Variants in UQCC1 observed in about 807,000 individuals in gnomAD.
The protein encoded by UQCC1 is bFGF-repressed Zic-binding protein.
UQCC1 carries 38 observed loss-of-function variants against 48.0 expected under a neutral mutation model. That is an observed-to-expected ratio of 0.79 (90% CI 0.61 to 1.04). UQCC1 has a LOEUF of 1.04. UQCC1 is among the 50% of genes least tolerant of loss of function. The pLI is 0.00. For missense variants in UQCC1, 368 were observed against 381.8 expected, an observed-to-expected ratio of 0.96 and a Z score of 0.30; for synonymous variants, 111 against 129.2, an observed-to-expected ratio of 0.86 and a Z score of 0.95.
At chr20:35,311,868 T>C (rs183040506) in intron 8 of UQCC1, among the ~76,000 whole-genome samples, 127 of 152,306 alleles carry the variant, frequency 8.3e-4, no homozygotes, top group African/African-American at 3.0e-3. Flanking sequence ...AAAAGTCACC[T>C]TCGGGTGACT....
chr20:35,339,627 T>C (rs2061356333), intron 7 of UQCC1, among the ~76,000 whole-genome samples: 1 of 152,194 alleles, frequency 6.6e-6, no homozygotes, highest in African/African-American at 2.4e-5. Context: ...ACTAGAAGAA[T>C]GGGCTGGAGC....
intron 1 of UQCC1, among the ~76,000 whole-genome samples, chr20:35,406,514 A>G (rs56193463): frequency 0.022 from 3,296 of 152,344 alleles, 124 homozygotes; most frequent in African/African-American, 0.074. Context: ...ACTATTATTC[A>G]AAAGTGAAGG....
chr20:35,388,533 C>A (rs1385918694), intron 2 of UQCC1, among the ~76,000 whole-genome samples: 1 of 152,052 alleles, frequency 6.6e-6, no homozygotes, highest in African/African-American at 2.4e-5. Context: ...CCACCTTGGC[C>A]TCCAGAAGTG....
At position 35,388,033 on chromosome 20, in the gene UQCC1, T is replaced by C. The variant is rs115132284; in HGVS notation, c.130-3900A>G. 6.6e-3 allele frequency among the ~76,000 whole-genome samples: 999 copies of C among 151,930 alleles called. 12 individuals are homozygous for C. Among genetic ancestry groups the C allele is most frequent in the African/African-American group, 0.023 (955 of 41,456 alleles). On this transcript the variant is annotated intron_variant, in intron 2 of 9. Coordinates refer to ENST00000374385, the MANE Select transcript of UQCC1 (RefSeq NM_018244.5). ...GAGTCTCGCTGTGCCCAGGCTGGAA[T>C]GCGGTGGCATGATCTCGGCTCACTA...
chr20:35,381,148 G>T (rs1443941175), intron 4 of UQCC1, among the ~76,000 whole-genome samples: 2 of 152,194 alleles, frequency 1.3e-5, no homozygotes, highest in South Asian at 2.1e-4. Context: ...TATTATAACA[G>T]ATAATGTGCT....
At chr20:35,325,654 A>T (rs1263355892) in intron 7 of UQCC1, among the ~76,000 whole-genome samples, 20 of 152,250 alleles carry the variant, frequency 1.3e-4, no homozygotes, top group Admixed American at 1.3e-3. Flanking sequence ...AGAAGTTTAC[A>T]ATCTCACGTG....
chr20:35,368,885 C>T (rs1262211073), intron 5 of UQCC1, among the ~76,000 whole-genome samples: 1 of 152,218 alleles, frequency 6.6e-6, no homozygotes, highest in African/African-American at 2.4e-5. Context: ...CACATGCCAT[C>T]TGAGAATGGG....
intron 2 of UQCC1, among the ~76,000 whole-genome samples, chr20:35,390,245 T>C (rs922598157): frequency 1.3e-5 from 2 of 151,720 alleles, no homozygotes; most frequent in East Asian, 3.9e-4. Flanking sequence ...GCCAACACAG[T>C]GAAACCCCGT....
chr20:35,394,156 C>T lies in UQCC1; in HGVS notation c.65G>A (p.Ser22Asn). 6.2e-7 allele frequency: 1 copy of T among 1,614,108 alleles called. No individual in the cohort carries two copies. The highest frequency in any genetic ancestry group is 1.1e-5 in the South Asian group (1 of 91,078). ...TSISQWVPVC[S>N]RLIPVSPTQG... ...GGTAGGAGACACAGGTATCAATCGG[C>T]TGCATACTGGAACCCACTGAGAAAT... Residue 22 changes from serine to asparagine, a missense_variant, in exon 2 of 10, where the codon AGC becomes AAC. Coordinates refer to ENST00000374385, the MANE Select transcript of UQCC1 (RefSeq NM_018244.5).
Position 35,335,444 on chromosome 20 carries a change from G to C in UQCC1, c.573+11720C>G, listed in dbSNP as rs189900155. On this transcript the variant is annotated intron_variant, in intron 7 of 9. Transcript: ENST00000374385. ...CCAAAAAGGAATGATGTCGGTCGGGGGAGTTGAGCAAAAAATAAATAAATA... is the reference window on the plus strand; with the variant it reads ...CCAAAAAGGAATGATGTCGGTCGGGCGAGTTGAGCAAAAAATAAATAAATA... 3.6e-3 allele frequency among the ~76,000 whole-genome samples: 552 copies of C among 152,100 alleles called. 4 individuals carry two copies. Among genetic ancestry groups the C allele is most frequent in the Middle Eastern group, 6.8e-3 (2 of 294 alleles).
chr20:35,373,990 C>T (rs1273056900), intron 5 of UQCC1, among the ~76,000 whole-genome samples, 194 bp downstream of exon 5: 2 of 152,122 alleles, frequency 1.3e-5, no homozygotes, highest in East Asian at 1.9e-4. Context: ...CCGGGCAACA[C>T]AGCAAGACCC....
intron 6 of UQCC1, among the ~76,000 whole-genome samples, chr20:35,364,107 C>T (rs1402542209): frequency 6.6e-6 from 1 of 152,188 alleles, no homozygotes; most frequent in Non-Finnish European, 1.5e-5. Context: ...AACTGGCTGC[C>T]CTCAAATACT....
At chr20:35,355,319 G>C (rs78989429) in intron 6 of UQCC1, among the ~76,000 whole-genome samples, 4 of 152,294 alleles carry the variant, frequency 2.6e-5, no homozygotes, top group Admixed American at 6.5e-5. Flanking sequence ...CCTATCAACC[G>C]GAAGTTACTG....
chr20:35,378,491 G>A (rs1230490171), intron 4 of UQCC1, among the ~76,000 whole-genome samples: 2 of 152,018 alleles, frequency 1.3e-5, no homozygotes, highest in South Asian at 2.1e-4. Context: ...TTAGCTGGGC[G>A]TGGTGGCAGG....
chr20:35,398,750 A>C (rs1455958168), intron 1 of UQCC1, among the ~76,000 whole-genome samples: 1 of 5,110 alleles, frequency 2.0e-4, no homozygotes, highest in Non-Finnish European at 4.4e-4. Context: ...TCAGGGCCAA[A>C]GGTGGGGGGG....
intron 7 of UQCC1, among the ~76,000 whole-genome samples, chr20:35,340,375 C>T (rs1007023882): frequency 6.6e-6 from 1 of 152,262 alleles, no homozygotes; most frequent in African/African-American, 2.4e-5. Flanking sequence ...AGCCTTCTCT[C>T]CCCTAATAAC....
At chr20:35,346,634 T>A (rs6088800) in intron 7 of UQCC1, 98,244 of 174,818 alleles carry the variant, frequency 0.56, 28,547 homozygotes, top group East Asian at 0.71. Flanking sequence ...TATATATATA[T>A]AATATATTCC....
intron 7 of UQCC1, among the ~76,000 whole-genome samples, chr20:35,318,929 T>G (rs2061092742): frequency 6.6e-6 from 1 of 152,146 alleles, no homozygotes; most frequent in African/African-American, 2.4e-5. Flanking sequence ...GCCAGATCAT[T>G]CTATATGGAG....
chr20:35,379,763 G>A (rs987361506), intron 4 of UQCC1, among the ~76,000 whole-genome samples: 1 of 152,054 alleles, frequency 6.6e-6, no homozygotes, highest in Admixed American at 6.6e-5. Context: ...CTGAGATCAC[G>A]CTACTGTACT....
Sources: gnomAD v4.1 joint callset for allele counts (sites outside exome capture counted in the v4.1 genomes callset) on GRCh38, gnomAD v4.1.1 for gene constraint, MANE v1.5 for transcripts, NCBI Gene and HGNC (gene_info 2026-07-23, HGNC 2026-07-21) for gene names.